DCC: variants seen among roughly 807,000 people sequenced by gnomAD.
DCC encodes the protein DCC netrin 1 receptor.
DCC carries 58 observed loss-of-function variants against 172.5 expected under a neutral mutation model. The observed-to-expected ratio is 0.34, with a 90% CI of 0.27 to 0.42. DCC has a LOEUF of 0.42. Ranked by LOEUF, DCC falls within the 10% of genes least tolerant of loss-of-function variation. The probability of loss-of-function intolerance (pLI) is 1.00; values close to 1 mark genes in which losing one functional copy is unlikely to be tolerated. For missense variants in DCC, 1,740 were observed against 1,791.0 expected, an observed-to-expected ratio of 0.97 and a Z score of 0.51; for synonymous variants, 709 against 644.5, an observed-to-expected ratio of 1.10 and a Z score of -1.52.
intron 2 of DCC, among the ~76,000 whole-genome samples, chr18:52,867,894 G>T (rs534148476): frequency 3.2e-4 from 49 of 152,134 alleles, no homozygotes; most frequent in African/African-American, 1.1e-3. Flanking sequence ...TTTTAGGTCA[G>T]ATTTTTGCTC....
chr18:53,031,855 AGTGTGTAT>A (rs1468861476), intron 5 of DCC, among the ~76,000 whole-genome samples: 2 of 151,804 alleles, frequency 1.3e-5, no homozygotes, highest in Non-Finnish European at 2.9e-5. Context: ...TAGATGTGGG[AGTGTGTAT>A]GTGTGTGTGT....
chr18:53,290,944 G>A lies in DCC; in HGVS notation c.1912-14634G>A, dbSNP rs1448172884. 2.6e-5 allele frequency among the ~76,000 whole-genome samples: 4 copies of A among 152,046 alleles called. No individual in the cohort carries two copies. In the South Asian group the frequency reaches 6.2e-4, roughly 24 times the overall value. On this transcript the variant is annotated intron_variant, in intron 12 of 28. Coordinates refer to ENST00000442544, the MANE Select transcript of DCC (RefSeq NM_005215.4). ...AGCACTTTGGGAGGCTGAGGCTAGC[G>A]GATCACGAGGTCAGGAGTTCAAGAA...
intron 13 of DCC, among the ~76,000 whole-genome samples, chr18:53,320,070 CTTTTTTT>C (rs35150045): frequency 2.7e-5 from 3 of 109,626 alleles, no homozygotes; most frequent in Non-Finnish European, 1.8e-5. Flanking sequence ...CGCAAGAGTA[CTTTTTTT>C]TTTTTTTTTT....
intron 2 of DCC, among the ~76,000 whole-genome samples, chr18:52,765,269 T>C (rs1248510220): frequency 6.7e-6 from 1 of 148,696 alleles, no homozygotes; most frequent in Admixed American, 6.9e-5. Flanking sequence ...GGTTTTGAAC[T>C]CCTGACCTCA....
At chr18:53,083,341 G>A (rs942931147) in intron 7 of DCC, among the ~76,000 whole-genome samples, 2 of 152,130 alleles carry the variant, frequency 1.3e-5, no homozygotes, top group African/African-American at 2.4e-5. Flanking sequence ...AATTTTTGAT[G>A]TCTAAGGCCT....
intron 1 of DCC, among the ~76,000 whole-genome samples, chr18:52,543,450 G>A (rs2032522878): frequency 6.6e-6 from 1 of 152,164 alleles, no homozygotes; most frequent in Admixed American, 6.5e-5. Flanking sequence ...GTACTGAGTA[G>A]TGCAATTTTA....
rs766852411 is a variant in DCC at position 53,450,639 on chromosome 18, A to G, written c.3369A>G (p.Arg1123=). 1 of 1,613,752 alleles carries G rather than the reference A, an allele frequency of 6.2e-7. No homozygotes were observed. Among genetic ancestry groups the G allele is most frequent in the Non-Finnish European group, 8.5e-7 (1 of 1,179,820 alleles). Residue 1123 remains arginine, a synonymous_variant, in exon 23 of 29, where the codon CGA becomes CGG. Coordinates refer to ENST00000442544, the MANE Select transcript of DCC (RefSeq NM_005215.4). ...VVVIVAVICT[R]RSSAQQRKKR... is the part of the protein sequence containing the mutation. Reference sequence around the variant, plus strand: ...TCATCGTGGCTGTGATTTGCACCCGACGCTCTTCAGCCCAGCAGAGAAAGT... The same window carrying G: ...TCATCGTGGCTGTGATTTGCACCCGGCGCTCTTCAGCCCAGCAGAGAAAGT...
At chr18:52,926,655 G>C (rs12962882) in intron 5 of DCC, among the ~76,000 whole-genome samples, 135,609 of 151,398 alleles carry the variant, frequency 0.9, 61,218 homozygotes, top group Middle Eastern at 0.97. Flanking sequence ...CATAGGTAAA[G>C]CATTACTTGC....
At chr18:53,131,953 ATTTTTTTTT>A (rs71175556) in intron 7 of DCC, among the ~76,000 whole-genome samples, 1,322 of 58,314 alleles carry the variant, frequency 0.023, 20 homozygotes, top group African/African-American at 0.065. Flanking sequence ...TCTCTAAGTG[ATTTTTTTTT>A]TTTTTTTTTT....
At chr18:53,231,445 T>A (rs1242318548) in intron 12 of DCC, among the ~76,000 whole-genome samples, 1 of 152,098 alleles carries the variant, frequency 6.6e-6, no homozygotes, top group Admixed American at 6.6e-5. Context: ...GTAAAATAGA[T>A]AATAAAGCAA....
At chr18:52,461,856 T>C (rs545330450) in intron 1 of DCC, among the ~76,000 whole-genome samples, 3 of 152,146 alleles carry the variant, frequency 2.0e-5, no homozygotes, top group Admixed American at 6.5e-5. Flanking sequence ...ACTACAGTCA[T>C]TTTTTCAACT....
At chr18:53,379,035 A>G (rs1204310173) in intron 15 of DCC, among the ~76,000 whole-genome samples, 1 of 152,258 alleles carries the variant, frequency 6.6e-6, no homozygotes, top group East Asian at 1.9e-4. Context: ...AGACCAATGC[A>G]ATCATCCATA....
At chr18:52,680,430 C>A (rs1431260180) in intron 1 of DCC, among the ~76,000 whole-genome samples, 1 of 152,114 alleles carries the variant, frequency 6.6e-6, no homozygotes, top group African/African-American at 2.4e-5. Flanking sequence ...CAGGGAAGCC[C>A]TCCTGGATGT....
chr18:53,371,626 A>G (rs1011857921), intron 15 of DCC, among the ~76,000 whole-genome samples: 2 of 152,028 alleles, frequency 1.3e-5, no homozygotes, highest in African/African-American at 2.4e-5. Context: ...AACTTTAATT[A>G]AATTTATAAT....
chr18:52,618,524 T>C (rs2034424599), intron 1 of DCC, among the ~76,000 whole-genome samples: 1 of 152,206 alleles, frequency 6.6e-6, no homozygotes, highest in Admixed American at 6.5e-5. Context: ...TCATCAAATA[T>C]TATAAAAGTG....
At chr18:52,419,210 G>A in intron 1 of DCC, 1 of 152,252 alleles carries the variant, frequency 6.6e-6, no homozygotes, top group East Asian at 1.9e-4. Context: ...CATGCATAGA[G>A]ACAATGCTAT....
intron 7 of DCC, among the ~76,000 whole-genome samples, chr18:53,083,951 C>T (rs1411220921): frequency 1.3e-5 from 2 of 152,114 alleles, no homozygotes; most frequent in African/African-American, 2.4e-5. Context: ...TCCGAATTTC[C>T]CTCTCTTTGT....
chr18:52,750,626 A>C (rs559775994), intron 1 of DCC, among the ~76,000 whole-genome samples: 16 of 152,334 alleles, frequency 1.1e-4, no homozygotes, highest in Non-Finnish European at 1.9e-4. Context: ...AGAAAAATTG[A>C]GTATGCAGGA....
chr18:53,506,512 T>TAAAC, intron 27 of DCC, among the ~76,000 whole-genome samples: 1 of 152,096 alleles, frequency 6.6e-6, no homozygotes, highest in Non-Finnish European at 1.5e-5. Context: ...TTTATGAAAA[T>TAAAC]AAACAGACAT....
Sources: allele counts gnomAD v4.1 joint callset (sites outside exome capture counted in the v4.1 genomes callset), GRCh38; gene constraint gnomAD v4.1.1; transcripts MANE v1.5; gene names NCBI Gene and HGNC (gene_info 2026-07-23, HGNC 2026-07-21).